Variants in OTUB2 observed in about 807,000 individuals in gnomAD.
OTUB2 encodes the protein ubiquitin thioesterase OTUB2.
A neutral mutation model predicts 25.1 loss-of-function variants in OTUB2; 21 were observed. That is an observed-to-expected ratio of 0.84 (90% CI 0.59 to 1.21). The LOEUF (loss-of-function observed/expected upper bound fraction) is 1.21, where lower values mean the gene tolerates loss of function less well. OTUB2 is among the 50% of genes most tolerant of loss of function. OTUB2 has a pLI of 0.00. For synonymous variants in OTUB2, 122 were observed against 122.8 expected (o/e 0.99, Z 0.04); for missense variants, 283 against 298.0 (o/e 0.95, Z 0.37).
Position 94,045,770 on chromosome 14 carries a change from C to A in OTUB2, c.553C>A (p.Gln185Lys). 1 of 1,614,240 alleles carries A rather than the reference C, an allele frequency of 6.2e-7. No homozygotes were observed. The highest frequency in any genetic ancestry group is 8.5e-7 in the Non-Finnish European group (1 of 1,180,042). ...CCACATCCAGATCACGGCGTTGTCG[C>A]AGGCCCTGAGCATTGCCCTGCAAGT... ...CDHIQITALS[Q>K]ALSIALQVEY... is the part of the protein sequence containing the mutation. Residue 185 changes from glutamine to lysine, a missense_variant, in exon 6 of 6, where the codon CAG (glutamine) becomes AAG (lysine). By Grantham distance (53) the Gln-to-Lys change is moderately conservative. Transcript: ENST00000203664.
At chr14:94,026,910 C>T (rs1156361998) in intron 1 of OTUB2, among the ~76,000 whole-genome samples, 2 of 152,214 alleles carry the variant, frequency 1.3e-5, no homozygotes, top group South Asian at 2.1e-4. Flanking sequence ...AGTAGCCCCC[C>T]AGTCAGCAGT....
Position 94,040,667 on chromosome 14 carries a change from G to A in OTUB2, c.218+1586G>A, listed in dbSNP as rs542059135. 1.3e-3 allele frequency among the ~76,000 whole-genome samples: 195 copies of A among 152,342 alleles called. 2 individuals are homozygous for A. The highest frequency in any genetic ancestry group is 4.4e-3 in the African/African-American group (183 of 41,588). On this transcript the variant is annotated intron_variant, in intron 3 of 5. Coordinates refer to ENST00000203664, the MANE Select transcript of OTUB2 (RefSeq NM_023112.4). ...TCTCCCCACTCCAGTCAGCACACAC[G>A]GGTGCCATGCTCAGACCCTTCTCTA... is the stretch of plus-strand genomic sequence containing the variant.
chr14:94,031,238 GAAAAAAA>G, intron 1 of OTUB2, among the ~76,000 whole-genome samples: 1 of 124,382 alleles, frequency 8.0e-6, no homozygotes, highest in South Asian at 2.6e-4. Flanking sequence ...TCCCATCTCA[GAAAAAAA>G]AAAAAAAGAA....
chr14:94,041,172 A>C (rs1332950518), intron 3 of OTUB2, among the ~76,000 whole-genome samples: 1 of 152,190 alleles, frequency 6.6e-6, no homozygotes, highest in Non-Finnish European at 1.5e-5. Flanking sequence ...TTCGTGCCCG[A>C]CTCACATGTT....
rs1173037497 is a variant in OTUB2, at chr14:94,048,221, C to G, written c.*2299C>G. 2 of 152,208 alleles carry G rather than the reference C, an allele frequency of 1.3e-5. No individual in the cohort carries two copies. Among genetic ancestry groups the G allele is most frequent in the African/African-American group, 4.8e-5 (2 of 41,454 alleles). The allele number at this position is 152,208 out of a possible 1,614,324, so 9.4% of individuals were successfully genotyped here. A position where few individuals can be genotyped will look rare whatever the true frequency, so the allele number is the denominator to read the frequency against. Reference sequence around the variant, plus strand: ...CCAGTCCCACTTCCTGGATAATTCTCTACCCTCACCCCACAGAGCCATCTC... The same window carrying G: ...CCAGTCCCACTTCCTGGATAATTCTGTACCCTCACCCCACAGAGCCATCTC... On this transcript the variant is annotated 3_prime_UTR_variant, in exon 6 of 6. Transcript: ENST00000203664.
chr14:94,038,063 A>C (rs937823083), intron 2 of OTUB2, among the ~76,000 whole-genome samples: 2 of 152,270 alleles, frequency 1.3e-5, no homozygotes, highest in Admixed American at 6.5e-5. Context: ...CTCTCGCTGC[A>C]GGACAGGCTT....
intron 3 of OTUB2, among the ~76,000 whole-genome samples, chr14:94,041,866 T>C (rs954874676): frequency 6.6e-6 from 1 of 152,262 alleles, no homozygotes; most frequent in African/African-American, 2.4e-5. Flanking sequence ...CTTTCCCCAG[T>C]TGAACAGTGG....
chr14:94,029,356 T>C (rs1273101136), intron 1 of OTUB2, among the ~76,000 whole-genome samples: 1 of 152,028 alleles, frequency 6.6e-6, no homozygotes, highest in African/African-American at 2.4e-5. Context: ...CTTACAGTGC[T>C]GGAGGCTGGA....
chr14:94,035,668 G>A (rs1380006014), intron 1 of OTUB2, among the ~76,000 whole-genome samples: 5 of 152,062 alleles, frequency 3.3e-5, no homozygotes, highest in Admixed American at 1.3e-4. Context: ...CCCCCATGTC[G>A]GGGGGAGATC....
intron 2 of OTUB2, 137 bp downstream of exon 2, chr14:94,037,612 T>G (rs1295657114): frequency 2.0e-6 from 1 of 503,372 alleles, no homozygotes; most frequent in Non-Finnish European, 3.5e-6. Flanking sequence ...GATATTTTGA[T>G]GTTGGACATT....
intron 1 of OTUB2, among the ~76,000 whole-genome samples, chr14:94,028,567 G>A (rs1021331894): frequency 6.6e-6 from 1 of 152,254 alleles, no homozygotes; most frequent in Non-Finnish European, 1.5e-5. Flanking sequence ...GAATGAATGA[G>A]TCAGACATAA....
chr14:94,041,189 G>T (rs1456360382), intron 3 of OTUB2, among the ~76,000 whole-genome samples: 2 of 152,240 alleles, frequency 1.3e-5, no homozygotes, highest in African/African-American at 4.8e-5. Context: ...TGTTGGACAT[G>T]GCAGAGTCAA....
intron 3 of OTUB2, 126 bp downstream of exon 3, chr14:94,039,207 G>A: frequency 2.6e-6 from 2 of 765,830 alleles, no homozygotes; most frequent in Non-Finnish European, 4.2e-6. Context: ...GAGCTGCCTG[G>A]CAGAGGCGTT....
At chr14:94,029,686 T>TG (rs953741904) in intron 1 of OTUB2, among the ~76,000 whole-genome samples, 7 of 152,110 alleles carry the variant, frequency 4.6e-5, no homozygotes, top group South Asian at 2.1e-4. Flanking sequence ...TGAATTTTGG[T>TG]GGGGGGACAC....
chr14:94,044,795 T>C lies in OTUB2; in HGVS notation c.498+15T>C, dbSNP rs1885238624. 3.7e-6 allele frequency: 6 copies of C among 1,602,592 alleles called. No homozygotes were observed. Among genetic ancestry groups the C allele is most frequent in the Non-Finnish European group, 5.1e-6 (6 of 1,175,118 alleles). On this transcript the variant is annotated intron_variant, in intron 5 of 5. Coordinates refer to ENST00000203664, the MANE Select transcript of OTUB2 (RefSeq NM_023112.4). ...TCTGCACTCACGTAGGTGCTTGGGG[T>C]CTCAGCCCCAGCCCTGGGCTCTGCT...
At chr14:94,037,051 G>T (rs1885068366) in intron 1 of OTUB2, among the ~76,000 whole-genome samples, 1 of 152,224 alleles carries the variant, frequency 6.6e-6, no homozygotes, top group African/African-American at 2.4e-5. Context: ...GGGATGGAAG[G>T]AGACAAAGGG....
At position 94,048,891 on chromosome 14, in the gene OTUB2, A is replaced by G. The variant is rs1366555274; in HGVS notation, c.*2969A>G. 6.6e-6 allele frequency: 1 copy of G among 152,268 alleles called. No individual in the cohort carries two copies. The highest frequency in any genetic ancestry group is 1.9e-4 in the East Asian group (1 of 5,202). The allele number at this position is 152,268 out of a possible 1,614,324, so 9.4% of individuals were successfully genotyped here. ...AAGCCCTACAGCTTCCCTAGGCAGT[A>G]AGTAAAAACATTCTCCTAGCATTAA... is the stretch of plus-strand genomic sequence containing the variant. On this transcript the variant is annotated 3_prime_UTR_variant, in exon 6 of 6. Coordinates refer to ENST00000203664, the MANE Select transcript of OTUB2 (RefSeq NM_023112.4).
At chr14:94,043,508 C>T (rs1885202273) in intron 3 of OTUB2, among the ~76,000 whole-genome samples, 1 of 152,222 alleles carries the variant, frequency 6.6e-6, no homozygotes. Flanking sequence ...AGAGTAACAA[C>T]CCAGCATGCG....
intron 2 of OTUB2, 67 bp from the exon 3 acceptor site, chr14:94,038,896 C>A (rs931401265): frequency 7.0e-7 from 1 of 1,418,820 alleles, no homozygotes; most frequent in African/African-American, 1.4e-5. Flanking sequence ...CCTGGCCAGT[C>A]CCAGTGCCCA....
Sources: allele counts gnomAD v4.1 joint callset (sites outside exome capture counted in the v4.1 genomes callset), GRCh38; gene constraint gnomAD v4.1.1; transcripts MANE v1.5; gene names NCBI Gene and HGNC (gene_info 2026-07-23, HGNC 2026-07-21).